The following ARHGAP15 variants were observed in gnomAD, a reference collection of about 807,000 sequenced individuals.
The protein encoded by ARHGAP15 is rho GTPase-activating protein 15.
A neutral mutation model predicts 63.7 loss-of-function variants in ARHGAP15; 51 were observed. That is an observed-to-expected ratio of 0.80 (90% confidence interval 0.64 to 1.01). The LOEUF (loss-of-function observed/expected upper bound fraction) is 1.01. Ranked by LOEUF, ARHGAP15 falls within the 50% of genes least tolerant of loss-of-function variation. The pLI is 0.00. For missense variants in ARHGAP15, 560 were observed against 564.6 expected (o/e 0.99, Z 0.08); for synonymous variants, 191 against 193.8 (o/e 0.99, Z 0.12).
At chr2:143,271,392 G>A (rs1335004327) in intron 6 of ARHGAP15, among the ~76,000 whole-genome samples, 3 of 152,122 alleles carry the variant, frequency 2.0e-5, no homozygotes, top group Admixed American at 2.0e-4. Context: ...CATTTTCTCC[G>A]TATCTTTTAA....
intron 6 of ARHGAP15, among the ~76,000 whole-genome samples, chr2:143,340,006 T>G (rs917218737): frequency 6.6e-6 from 1 of 152,162 alleles, no homozygotes; most frequent in African/African-American, 2.4e-5. Flanking sequence ...CAGACTCACA[T>G]AACCCAACAT....
At chr2:143,402,961 G>A (rs1384078260) in intron 6 of ARHGAP15, among the ~76,000 whole-genome samples, 1 of 151,750 alleles carries the variant, frequency 6.6e-6, no homozygotes, top group Non-Finnish European at 1.5e-5. Context: ...AAGTCATCTG[G>A]TTTTGTTAAT....
At chr2:143,330,684 C>T (rs77762624) in intron 6 of ARHGAP15, among the ~76,000 whole-genome samples, 6,973 of 152,164 alleles carry the variant, frequency 0.046, 462 homozygotes, top group Admixed American at 0.2. Flanking sequence ...TTCAGTTTGT[C>T]CTTAAGGTTT....
intron 6 of ARHGAP15, among the ~76,000 whole-genome samples, chr2:143,286,816 A>G (rs1682127621): frequency 6.6e-6 from 1 of 152,208 alleles, no homozygotes. Context: ...CATAGAGTGG[A>G]ATTACACAAA....
intron 6 of ARHGAP15, among the ~76,000 whole-genome samples, chr2:143,418,143 C>A (rs1226795800): frequency 1.3e-5 from 2 of 152,176 alleles, no homozygotes; most frequent in East Asian, 1.9e-4. Flanking sequence ...AGACTGTGTC[C>A]TGTGAGAAAC....
intron 11 of ARHGAP15, among the ~76,000 whole-genome samples, chr2:143,564,826 T>C (rs1696158367): frequency 6.6e-6 from 1 of 152,172 alleles, no homozygotes. Flanking sequence ...ACCATAACAA[T>C]CCTTTTCCAA....
At chr2:143,325,363 C>T (rs1684203393) in intron 6 of ARHGAP15, among the ~76,000 whole-genome samples, 2 of 152,082 alleles carry the variant, frequency 1.3e-5, no homozygotes, top group African/African-American at 4.8e-5. Context: ...TTTTTTAATA[C>T]TCTAGAGCCT....
intron 6 of ARHGAP15, among the ~76,000 whole-genome samples, chr2:143,251,487 T>C (rs2104980770): frequency 6.6e-6 from 1 of 152,132 alleles, no homozygotes; most frequent in South Asian, 2.1e-4. Context: ...GTAGGTGACA[T>C]TTTCTACCGA....
intron 12 of ARHGAP15, among the ~76,000 whole-genome samples, chr2:143,626,452 G>A (rs1698838076): frequency 6.6e-6 from 1 of 152,170 alleles, no homozygotes. Flanking sequence ...CCTTCTAGGT[G>A]AGTGTTACAG....
At chr2:143,303,070 C>T (rs1408492243) in intron 6 of ARHGAP15, among the ~76,000 whole-genome samples, 3 of 151,958 alleles carry the variant, frequency 2.0e-5, no homozygotes, top group Non-Finnish European at 4.4e-5. Context: ...TAGAAGAAAA[C>T]CTAGGCAATA....
intron 8 of ARHGAP15, among the ~76,000 whole-genome samples, chr2:143,455,517 C>T (rs925365564): frequency 6.6e-5 from 10 of 151,998 alleles, no homozygotes; most frequent in Admixed American, 4.6e-4. Flanking sequence ...TTTACCCAGC[C>T]GCTATTCAAG....
intron 6 of ARHGAP15, among the ~76,000 whole-genome samples, chr2:143,422,710 A>T (rs924873109): frequency 1.3e-5 from 2 of 152,178 alleles, no homozygotes; most frequent in African/African-American, 4.8e-5. Flanking sequence ...TGGGTGAGGC[A>T]GATGGAAGGT....
intron 6 of ARHGAP15, among the ~76,000 whole-genome samples, chr2:143,377,431 AATAAT>A (rs1686864167): frequency 6.6e-6 from 1 of 150,880 alleles, no homozygotes; most frequent in Admixed American, 6.6e-5. Context: ...GAAAAAATAA[AATAAT>A]AATGCCCAAA....
intron 2 of ARHGAP15, among the ~76,000 whole-genome samples, chr2:143,156,808 C>T (rs747585642): frequency 1.2e-4 from 18 of 151,840 alleles, no homozygotes; most frequent in Non-Finnish European, 1.9e-4. Flanking sequence ...TATTTACTTT[C>T]TCATTTAAAA....
At chr2:143,721,046 A>T (rs1029409140) in intron 13 of ARHGAP15, among the ~76,000 whole-genome samples, 2 of 115,418 alleles carry the variant, frequency 1.7e-5, no homozygotes, top group Admixed American at 2.2e-4. Context: ...TGGGCGACAG[A>T]GCAAGACTCC....
intron 6 of ARHGAP15, among the ~76,000 whole-genome samples, chr2:143,387,010 A>G (rs1687315619): frequency 6.6e-6 from 1 of 152,068 alleles, no homozygotes; most frequent in Non-Finnish European, 1.5e-5. Flanking sequence ...TTGAGGGTGG[A>G]GGCTGGGAGG....
At chr2:143,199,914 A>AC (rs1165297532) in intron 2 of ARHGAP15, among the ~76,000 whole-genome samples, 1 of 152,024 alleles carries the variant, frequency 6.6e-6, no homozygotes, top group African/African-American at 2.4e-5. Flanking sequence ...GGGTGGGGAG[A>AC]CAGCCCAGGT....
At chr2:143,422,189 C>A (rs889440017) in intron 6 of ARHGAP15, among the ~76,000 whole-genome samples, 1 of 152,084 alleles carries the variant, frequency 6.6e-6, no homozygotes, top group African/African-American at 2.4e-5. Flanking sequence ...TAGCAGATTA[C>A]AAACCCAATA....
At chr2:143,248,142 G>T (rs1164791549) in intron 5 of ARHGAP15, among the ~76,000 whole-genome samples, 1 of 152,166 alleles carries the variant, frequency 6.6e-6, no homozygotes, top group Non-Finnish European at 1.5e-5. Context: ...GAGGGCTGCA[G>T]TGAAATTAAA....
Sources: allele counts gnomAD v4.1 joint callset (sites outside exome capture counted in the v4.1 genomes callset), GRCh38; gene constraint gnomAD v4.1.1; transcripts MANE v1.5; gene names NCBI Gene and HGNC (gene_info 2026-07-23, HGNC 2026-07-21).